Variants in ARHGAP45 observed in about 807,000 individuals in gnomAD.
ARHGAP45 encodes the protein Rho GTPase activating protein 45, also known as rho GTPase-activating protein 45.
Under a neutral mutation model 116.1 loss-of-function variants are expected in ARHGAP45, and 56 were observed. The observed-to-expected ratio is 0.48, with a 90% CI of 0.39 to 0.60. The LOEUF (loss-of-function observed/expected upper bound fraction) is 0.60, where lower values mean the gene tolerates loss of function less well. ARHGAP45 is among the 20% of genes least tolerant of loss of function. The probability of loss-of-function intolerance (pLI) is 0.00; values close to 1 mark genes in which losing one functional copy is unlikely to be tolerated. For missense variants in ARHGAP45, 1,622 were observed against 1,601.0 expected (o/e 1.01, Z -0.22); for synonymous variants, 866 against 701.7 (o/e 1.23, Z -3.70).
In ARHGAP45 at chr19:1,073,274, C is replaced by G. The variant is rs1192381664; in HGVS notation, c.547C>G (p.Leu183Val). ...TVETLTAAGT[L>V]IAKVKAFHYE... ...GGAGACGCTCACCGCAGCCGGCACC[C>G]TCATTGCCAAGGTCAAAGGTCAGCC... The change falls in exon 3 of 23, where the codon CTC (leucine) becomes GTC (valine). Residue 183 changes from leucine to valine, a missense_variant. Around this residue, in one of 3 missense-constraint regions of ARHGAP45, gnomAD observed 279 missense variants for 311.9 expected, o/e 0.89. Transcript: ENST00000313093. 6.8e-6 allele frequency: 11 copies of G among 1,613,436 alleles called. No homozygotes were observed. Among genetic ancestry groups the G allele is most frequent in the Non-Finnish European group, 8.5e-6 (10 of 1,179,960 alleles).
intron 22 of ARHGAP45, among the ~76,000 whole-genome samples, chr19:1,084,768 T>TAGAC (rs1474551059): frequency 3.3e-5 from 5 of 152,154 alleles, no homozygotes; most frequent in African/African-American, 1.2e-4. Context: ...ACACCTGTGT[T>TAGAC]GTCTGTCTTC....
intron 10 of ARHGAP45, among the ~76,000 whole-genome samples, 158 bp downstream of exon 10, chr19:1,075,037 AC>A (rs2043217670): frequency 1.9e-5 from 1 of 51,706 alleles, no homozygotes; most frequent in African/African-American, 5.5e-5. Flanking sequence ...GCCCCCCCCA[AC>A]GCCAAGCCGG....
chr19:1,080,888 G>A lies in ARHGAP45; in HGVS notation c.2018-4G>A, dbSNP rs773773726. The A allele has an allele frequency of 4.4e-6, 7 of 1,607,050 alleles. No individual in the cohort carries two copies. In the African/African-American group the frequency reaches 9.4e-5, roughly 21 times the overall value. On this transcript the variant is annotated splice_polypyrimidine_tract_variant and splice_region_variant and intron_variant, in intron 16 of 22. Transcript: ENST00000313093. ...GTGACACCGGCTGCCTGTGCTGCCC[G>A]CAGCTGACCTCAACGGCATGACCCC...
rs1307617533 is a variant in ARHGAP45, at chr19:1,084,320, A to C, written c.3038A>C (p.Gln1013Pro). Residue 1013 changes from glutamine (Q) to proline (P), a missense_variant, in exon 22 of 23, where the codon CAG becomes CCG. Gln to Pro is a moderately conservative substitution (Grantham distance 76). This residue lies in a region of ARHGAP45 where 1,334 missense variants were observed against 1,263.8 expected (regional missense o/e 1.06). Transcript: ENST00000313093. ...EAGEAVVYPL[Q>P]EAAADGCRES... The stretch of plus-strand genomic sequence containing the variant: ...GGCGAGGCGGTGGTCTACCCGCTGC[A>C]GGAGGCGGCGGCGGACGGGTGCAGA... The C allele has an allele frequency of 6.2e-7, 1 of 1,610,080 alleles. No individual in the cohort carries two copies. The highest frequency in any genetic ancestry group is 1.7e-5 in the Admixed American group (1 of 59,488).
At position 1,068,419 on chromosome 19, in the gene ARHGAP45, G is replaced by T; in HGVS notation, c.96G>T (p.Leu32=). 4.5e-6 allele frequency: 7 copies of T among 1,564,162 alleles called. No individual in the cohort carries two copies. Among genetic ancestry groups the T allele is most frequent in the Non-Finnish European group, 6.1e-6 (7 of 1,154,412 alleles). The change falls in exon 2 of 23, where the codon CTG becomes CTT. Residue 32 remains leucine, a synonymous_variant. Coordinates refer to ENST00000313093, the MANE Select transcript of ARHGAP45 (RefSeq NM_012292.5). The surrounding 1 kb of genome is among the most constrained non-coding windows in gnomAD (Gnocchi z 7.5). ...GSPSPQPSGE[L]PRKDGADAVF... is the part of the protein sequence containing the mutation. ...TCCCCTCGGACCTGCCCAAGGAGCT[G>T]CCCAGGAAGGATGGGGCTGACGCGG...
chr19:1,079,808 G>A lies in ARHGAP45; in HGVS notation c.1480G>A (p.Val494Ile), dbSNP rs1265039551. The A allele has an allele frequency of 1.9e-6, 3 of 1,609,154 alleles. No individual in the cohort carries two copies. Among genetic ancestry groups the A allele is most frequent in the African/African-American group, 2.7e-5 (2 of 74,870 alleles). Residue 494 changes from valine to isoleucine, a missense_variant, in exon 12 of 23, where the codon GTC (valine) becomes ATC (isoleucine). By Grantham distance (29) the Val-to-Ile change is conservative. Transcript: ENST00000313093. ...KVTALRQIQEVIRQSDQTIKS... is the reference protein window; with the variant it reads ...KVTALRQIQEIIRQSDQTIKS... ...GACGGCGCTGCGGCAGATCCAGGAG[G>A]TCATCCGGCAGAGCGACCAAACCAT...
rs1467488922 is a variant in ARHGAP45 at position 1,085,688 on chromosome 19, C to T, written c.3093C>T (p.Asp1031=). Residue 1031 remains aspartate, a synonymous_variant, in exon 23 of 23, where the codon GAC becomes GAT. Coordinates refer to ENST00000313093, the MANE Select transcript of ARHGAP45 (RefSeq NM_012292.5). ...RESRVVSNDS[D]SDLEEASELL... ...CCCGAGTTGTGTCCAACGATTCGGACTCGGACCTAGAGGAGGCCTCCGAGC... is the reference window on the plus strand; with the variant it reads ...CCCGAGTTGTGTCCAACGATTCGGATTCGGACCTAGAGGAGGCCTCCGAGC... The T allele has an allele frequency of 3.1e-6, 5 of 1,593,062 alleles. No homozygotes were observed. Among genetic ancestry groups the T allele is most frequent in the South Asian group, 1.1e-5 (1 of 89,786 alleles).
chr19:1,067,453 G>C lies in ARHGAP45; in HGVS notation c.48G>C (p.Ser16=). ...KRELMKTPSI[S]KKNRAGSPSP... is the part of the protein sequence containing the mutation. ...AGCTCATGAAAACCCCTTCCATCTCGAAAAAGAACCGCGCGGGAAGCCCCA... is the reference window on the plus strand; with the variant it reads ...AGCTCATGAAAACCCCTTCCATCTCCAAAAAGAACCGCGCGGGAAGCCCCA... Residue 16 remains serine (S), a synonymous_variant, in exon 1 of 23, where the codon TCG becomes TCC. Coordinates refer to ENST00000313093, the MANE Select transcript of ARHGAP45 (RefSeq NM_012292.5). 6.2e-7 allele frequency: 1 copy of C among 1,605,558 alleles called. No individual in the cohort carries two copies. The highest frequency in any genetic ancestry group is 1.1e-5 in the South Asian group (1 of 90,086).
At position 1,086,184 on chromosome 19, in the gene ARHGAP45, G is replaced by A; in HGVS notation, c.*178G>A. ...TCCCAGAGGCTTCCAGGAGCACGAG[G>A]GCCTTGCGGCACAGGACTGTGCCCT... On this transcript the variant is annotated 3_prime_UTR_variant, in exon 23 of 23. Coordinates refer to ENST00000313093, the MANE Select transcript of ARHGAP45 (RefSeq NM_012292.5). 1.6e-6 allele frequency: 1 copy of A among 609,488 alleles called. No homozygotes were observed. The highest frequency in any genetic ancestry group is 2.9e-6 in the Non-Finnish European group (1 of 345,212). 37.8% of individuals were successfully genotyped at this position (609,488 alleles called of 1,614,324 possible).
At position 1,081,649 on chromosome 19, in the gene ARHGAP45, A is replaced by C; in HGVS notation, c.2290A>C (p.Ser764Arg). Residue 764 changes from serine to arginine, a missense_variant, in exon 18 of 23, where the codon AGC becomes CGC. This residue lies in a region of ARHGAP45 where 1,334 missense variants were observed against 1,263.8 expected (regional missense o/e 1.06). Coordinates refer to ENST00000313093, the MANE Select transcript of ARHGAP45 (RefSeq NM_012292.5). ...CCTGCAGCTGTTCGGCCAGGACTTCAGCCACGCGGCCCGCAGCGCCCCCGA... is the reference window on the plus strand; with the variant it reads ...CCTGCAGCTGTTCGGCCAGGACTTCCGCCACGCGGCCCGCAGCGCCCCCGA... Reference protein sequence around the residue: ...GRLQLFGQDFSHAARSAPDGV... With the variant: ...GRLQLFGQDFRHAARSAPDGV... 1 of 1,581,524 alleles carries C rather than the reference A, an allele frequency of 6.3e-7. No homozygotes were observed. Among genetic ancestry groups the C allele is most frequent in the Non-Finnish European group, 8.6e-7 (1 of 1,164,324 alleles).
In ARHGAP45 at chr19:1,069,076, C is replaced by T. The variant is rs562120662; in HGVS notation, c.421+332C>T. Among the ~76,000 whole-genome samples the T allele has an allele frequency of 6.6e-6, 1 of 152,096 alleles. No individual in the cohort carries two copies. The highest frequency in any genetic ancestry group is 2.4e-5 in the African/African-American group (1 of 41,476). The stretch of plus-strand genomic sequence containing the variant: ...ATTTGGGGGCCAAGGTGTGGGGTGC[C>T]GCTGGTGTAGGATGAAGGCATGACA... On this transcript the variant is annotated intron_variant, in intron 2 of 22. Coordinates refer to ENST00000313093, the MANE Select transcript of ARHGAP45 (RefSeq NM_012292.5). The surrounding 1 kb of genome is among the most constrained non-coding windows in gnomAD (Gnocchi z 4.1).
At chr19:1,074,544 G>C in intron 8 of ARHGAP45, 70 bp from the exon 9 acceptor site, 2 of 1,434,406 alleles carry the variant, frequency 1.4e-6, no homozygotes, top group Non-Finnish European at 1.9e-6. Context: ...CAGGGAGCTG[G>C]TGGCTGGGGG....
At chr19:1,079,565 C>G (rs1442160161) in intron 11 of ARHGAP45, 138 bp from the exon 12 acceptor site, 27 of 1,053,706 alleles carry the variant, frequency 2.6e-5, no homozygotes, top group Non-Finnish European at 6.8e-6. Flanking sequence ...TCTCGAACTC[C>G]TGGCCTCAAG....
chr19:1,070,571 T>G (rs2043122315), intron 2 of ARHGAP45, among the ~76,000 whole-genome samples: 1 of 150,574 alleles, frequency 6.6e-6, no homozygotes, highest in Non-Finnish European at 1.5e-5. Context: ...GGTCTTGAAC[T>G]CCTGATCTCA....
intron 15 of ARHGAP45, 40 bp from the exon 16 acceptor site, chr19:1,080,642 C>T: frequency 6.2e-7 from 1 of 1,609,166 alleles, no homozygotes; most frequent in East Asian, 2.2e-5. Context: ...AGGGGGCCCC[C>T]CTGGCTGGGG....
chr19:1,079,503 C>CA (rs35895776), intron 11 of ARHGAP45, among the ~76,000 whole-genome samples, 200 bp from the exon 12 acceptor site: 38,946 of 111,952 alleles, frequency 0.35, 6,970 homozygotes, highest in Middle Eastern at 0.44. Context: ...GACTCCATCT[C>CA]AAAAAAAAAA....
Position 1,082,961 on chromosome 19 carries a change from G to A in ARHGAP45, c.2639G>A (p.Ser880Asn). ...ASRGRQDGSE[S>N]EAVAVALAGR... ...CGGGGCCGGCAGGACGGCTCGGAGA[G>A]CGAGGCAGTGGCGGTGGCCCTGGCA... Residue 880 changes from serine to asparagine, a missense_variant, in exon 20 of 23, where the codon AGC becomes AAC. Transcript: ENST00000313093. 4 of 1,568,282 alleles carry A rather than the reference G, an allele frequency of 2.6e-6. No homozygotes were observed. Among genetic ancestry groups the A allele is most frequent in the South Asian group, 2.3e-5 (2 of 86,582 alleles).
At chr19:1,078,431 C>G (rs1403424366) in intron 11 of ARHGAP45, among the ~76,000 whole-genome samples, 1 of 149,440 alleles carries the variant, frequency 6.7e-6, no homozygotes, top group Non-Finnish European at 1.5e-5. Context: ...GCATGAGCCA[C>G]TGCGCCCGGC....
chr19:1,073,104 G>C, intron 2 of ARHGAP45, 45 bp from the exon 3 acceptor site: 2 of 1,558,696 alleles, frequency 1.3e-6, no homozygotes, highest in Non-Finnish European at 1.7e-6. Flanking sequence ...GACTTTCCCT[G>C]GGACTGGGCC....
Sources: allele counts gnomAD v4.1 joint callset (sites outside exome capture counted in the v4.1 genomes callset), GRCh38; gene constraint gnomAD v4.1.1; regional missense constraint gnomAD v4.1.1; non-coding constraint Gnocchi (gnomAD v3.1); transcripts MANE v1.5; gene names NCBI Gene and HGNC (gene_info 2026-07-23, HGNC 2026-07-21).